CR2: variants seen among roughly 807,000 people sequenced by gnomAD.
CR2 encodes complement C3d receptor 2.
Under a neutral mutation model 123.0 loss-of-function variants are expected in CR2, and 96 were observed. That is an observed-to-expected ratio of 0.78 (90% CI 0.66 to 0.93). The LOEUF is 0.93. Among genes scored for constraint, CR2 ranks in the 40% least tolerant of loss-of-function variants. The probability of loss-of-function intolerance (pLI) is 0.00; values close to 1 mark genes in which losing one functional copy is unlikely to be tolerated. For synonymous variants in CR2, 484 were observed against 469.5 expected, an observed-to-expected ratio of 1.03 and a Z score of -0.40; for missense variants, 1,258 against 1,361.0, an observed-to-expected ratio of 0.92 and a Z score of 1.19.
At chr1:207,458,652 A>G (rs1173752814) in intron 1 of CR2, among the ~76,000 whole-genome samples, 2 of 152,166 alleles carry the variant, frequency 1.3e-5, no homozygotes, top group Non-Finnish European at 2.9e-5. Context: ...CTTGTCCTTC[A>G]GTCACAACTT....
Position 207,470,643 on chromosome 1 carries a change from A to T in CR2, c.1226-97A>T, listed in dbSNP as rs140160993. On this transcript the variant is annotated intron_variant, in intron 6 of 19. Coordinates refer to ENST00000367057, the MANE Select transcript of CR2 (RefSeq NM_001006658.3). Reference sequence around the variant, plus strand: ...TTCTGTATCATACAGCTGACGCCAGAGTGGAATTATAGCATGAATATCAAT... The same window carrying T: ...TTCTGTATCATACAGCTGACGCCAGTGTGGAATTATAGCATGAATATCAAT... 5.6e-5 allele frequency: 66 copies of T among 1,184,006 alleles called. No homozygotes were observed. The African/African-American group carries it at 9.0e-4, about 16-fold the overall frequency. 73.3% of individuals were successfully genotyped at this position (1,184,006 alleles called of 1,614,324 possible).
rs1658370427 is a variant in CR2, at chr1:207,474,256, A to T, written c.2256A>T (p.Gly752=). ...TSCQDGYQLT[G]HAYQMCQDAE... ...CTCTCTGTAGGTACCAGTTGACTGG[A>T]CATGCTTATCAGATGTGTCAAGATG... The change falls in exon 13 of 20, where the codon GGA becomes GGT. Residue 752 remains glycine (G), a synonymous_variant. Transcript: ENST00000367057. The T allele has an allele frequency of 6.2e-7, 1 of 1,612,876 alleles. No individual in the cohort carries two copies. Among genetic ancestry groups the T allele is most frequent in the Non-Finnish European group, 8.5e-7 (1 of 1,179,046 alleles).
chr1:207,471,495 T>C lies in CR2; in HGVS notation c.1566T>C (p.Cys522=). 6.2e-7 allele frequency: 1 copy of C among 1,602,024 alleles called. No individual in the cohort carries two copies. The highest frequency in any genetic ancestry group is 8.6e-7 in the Non-Finnish European group (1 of 1,169,078). ...TIPWFMEIRL[C]KEITCPPPPV... is the part of the protein sequence containing the mutation. ...CTTGGTTTATGGAGATTCGTCTTTG[T>C]AAAGGTGAGTAGCAAAAATGATATA... The change falls in exon 9 of 20, where the codon TGT becomes TGC. Residue 522 remains cysteine (C), a synonymous_variant. Coordinates refer to ENST00000367057, the MANE Select transcript of CR2 (RefSeq NM_001006658.3).
At chr1:207,462,976 A>G (rs1658003273) in intron 1 of CR2, among the ~76,000 whole-genome samples, 3 of 152,236 alleles carry the variant, frequency 2.0e-5, no homozygotes, top group Admixed American at 2.0e-4. Flanking sequence ...GATCCGTTGG[A>G]AAGTTTTGTA....
At chr1:207,465,210 G>C (rs1226542879) in intron 1 of CR2, among the ~76,000 whole-genome samples, 1 of 152,110 alleles carries the variant, frequency 6.6e-6, no homozygotes, top group Admixed American at 6.6e-5. Context: ...GATTACAGAC[G>C]TGAACCACCA....
In CR2 at chr1:207,471,004, G is replaced by A. The variant is rs565317532; in HGVS notation, c.1410G>A (p.Ala470=). ...TPPVPQCKVA[A]CEATGRQLLT... is the part of the protein sequence containing the mutation. ...CCTAGTCTCTTTTCTTAGTGGCAGC[G>A]TGTGAAGCTACAGGAAGGCAACTCT... Residue 470 remains alanine (A), a synonymous_variant, in exon 8 of 20, where the codon GCG becomes GCA. Coordinates refer to ENST00000367057, the MANE Select transcript of CR2 (RefSeq NM_001006658.3). 39 of 1,613,844 alleles carry A rather than the reference G, an allele frequency of 2.4e-5. No homozygotes were observed. The highest frequency in any genetic ancestry group is 2.3e-4 in the South Asian group (21 of 91,082).
In CR2 at chr1:207,476,418, A is replaced by T; in HGVS notation, c.2901A>T (p.Lys967Asn). ...GGAGCCAACCTGCCCCTCATTGTAA[A>T]GGTGCTTTGTCTATTTTTTATTCTT... ...GTWSQPAPHC[K>N]EVNCSSPADM... The change falls in exon 15 of 20, where the codon AAA (lysine) becomes AAT (asparagine). Residue 967 changes from lysine (K) to asparagine (N), a missense_variant and splice_region_variant. By Grantham distance (94) the Lys-to-Asn change is moderately conservative. Transcript: ENST00000367057. 6.2e-7 allele frequency: 1 copy of T among 1,612,946 alleles called. No homozygotes were observed. Among genetic ancestry groups the T allele is most frequent in the African/African-American group, 1.3e-5 (1 of 74,990 alleles).
At chr1:207,470,531 C>T (rs1658237418) in intron 6 of CR2, among the ~76,000 whole-genome samples, 1 of 152,048 alleles carries the variant, frequency 6.6e-6, no homozygotes, top group Admixed American at 6.6e-5. Context: ...CTGCAGCAGC[C>T]TCTGTGCAGA....
chr1:207,454,797 T>C lies in CR2; in HGVS notation c.58+321T>C. The C allele has an allele frequency of 3.1e-6, 1 of 327,270 alleles. No individual in the cohort carries two copies. The highest frequency in any genetic ancestry group is 2.2e-5 in the African/African-American group (1 of 46,234). 20.3% of individuals were successfully genotyped at this position (327,270 alleles called of 1,614,324 possible). A position where few individuals can be genotyped will look rare whatever the true frequency, so the allele number is the denominator to read the frequency against. Reference sequence around the variant, plus strand: ...CCCGCCCCCAGGATTCTGCAGGTGCTCATCGCTCTCTGGCCGGCGGTCAGC... The same window carrying C: ...CCCGCCCCCAGGATTCTGCAGGTGCCCATCGCTCTCTGGCCGGCGGTCAGC... On this transcript the variant is annotated intron_variant, in intron 1 of 19. Transcript: ENST00000367057. This position sits in a 1 kb window ranked among gnomAD's most constrained non-coding sequence, Gnocchi z 4.3.
chr1:207,465,229 CTAGT>C (rs983438225), intron 1 of CR2, among the ~76,000 whole-genome samples: 1 of 152,090 alleles, frequency 6.6e-6, no homozygotes, highest in Non-Finnish European at 1.5e-5. Context: ...CACACCCTGC[CTAGT>C]TAAAGAGTTT....
intron 1 of CR2, 104 bp from the exon 2 acceptor site, chr1:207,466,420 CTG>C: frequency 7.7e-7 from 1 of 1,293,142 alleles, no homozygotes; most frequent in African/African-American, 1.5e-5. Flanking sequence ...ATTTCTAAGT[CTG>C]TTTCTGAAAA....
At chr1:207,470,966 A>G in intron 7 of CR2, 31 bp from the exon 8 acceptor site, 1 of 1,613,866 alleles carries the variant, frequency 6.2e-7, no homozygotes, top group Non-Finnish European at 8.5e-7. Context: ...ATTGCCTTGA[A>G]TTAAATTCTC....
chr1:207,473,453 G>A, intron 10 of CR2, 92 bp from the exon 11 acceptor site: 1 of 1,370,324 alleles, frequency 7.3e-7, no homozygotes, highest in Non-Finnish European at 1.0e-6. Context: ...TGGCATCAGA[G>A]TTTCAGACTG....
chr1:207,473,269 G>A, intron 10 of CR2, 90 bp downstream of exon 10: 1 of 1,440,004 alleles, frequency 6.9e-7, no homozygotes, highest in Non-Finnish European at 9.6e-7. Context: ...ATGGAAAGAG[G>A]CAAGAGGGGC....
chr1:207,480,154 C>A, intron 18 of CR2, 101 bp downstream of exon 18: 1 of 852,446 alleles, frequency 1.2e-6, no homozygotes, highest in South Asian at 1.4e-5. Flanking sequence ...GAAATAAATA[C>A]TGCAATGTGA....
intron 16 of CR2, among the ~76,000 whole-genome samples, chr1:207,478,986 GTTTTTGT>G (rs966920289): frequency 6.6e-6 from 1 of 151,728 alleles, no homozygotes; most frequent in Admixed American, 6.6e-5. Flanking sequence ...TTTTGTTTTT[GTTTTTGT>G]TTTTGTTTTA....
Position 207,469,921 on chromosome 1 carries a change from G to C in CR2, c.1044G>C (p.Ala348=). The change falls in exon 6 of 20, where the codon GCG becomes GCC. Residue 348 remains alanine (A), a synonymous_variant. Coordinates refer to ENST00000367057, the MANE Select transcript of CR2 (RefSeq NM_001006658.3). ...CACGCTGTGAACTTTCTACTTCTGC[G>C]GTTCAGTGTCCACATCCCCAGATCC... The part of the protein sequence containing the change: ...PAPRCELSTS[A]VQCPHPQILR... 6.2e-7 allele frequency: 1 copy of C among 1,613,908 alleles called. No individual in the cohort carries two copies. Among genetic ancestry groups the C allele is most frequent in the Non-Finnish European group, 8.5e-7 (1 of 1,179,928 alleles).
Position 207,454,725 on chromosome 1 carries a change from C to G in CR2, c.58+249C>G, listed in dbSNP as rs931273814. The G allele has an allele frequency of 8.9e-6, 4 of 447,276 alleles. No homozygotes were observed. Among genetic ancestry groups the G allele is most frequent in the Admixed American group, 4.1e-5 (1 of 24,650 alleles). The allele number at this position is 447,276 out of a possible 1,614,324, so 27.7% of individuals were successfully genotyped here. On this transcript the variant is annotated intron_variant, in intron 1 of 19. Coordinates refer to ENST00000367057, the MANE Select transcript of CR2 (RefSeq NM_001006658.3). This position sits in a 1 kb window ranked among gnomAD's most constrained non-coding sequence, Gnocchi z 4.3. ...ACAGAGGGGCGCTGTCTGGTCGGCCCGGTGTGGCTGGCGGCGTGCGGGTGC... is the reference window on the plus strand; with the variant it reads ...ACAGAGGGGCGCTGTCTGGTCGGCCGGGTGTGGCTGGCGGCGTGCGGGTGC...
rs149048095 is a variant in CR2, at chr1:207,460,929, T to C, written c.59-5597T>C. Among the ~76,000 whole-genome samples the C allele has an allele frequency of 4.6e-3, 707 of 152,284 alleles. 3 individuals carry two copies. The highest frequency in any genetic ancestry group is 0.012 in the African/African-American group (509 of 41,568). ...CAACATATTTTCTCCTCTCTAGGCATTAACGGTTTAATAGCTAAGATAGTT... is the reference window on the plus strand; with the variant it reads ...CAACATATTTTCTCCTCTCTAGGCACTAACGGTTTAATAGCTAAGATAGTT... On this transcript the variant is annotated intron_variant, in intron 1 of 19. Coordinates refer to ENST00000367057, the MANE Select transcript of CR2 (RefSeq NM_001006658.3).
Sources: gnomAD v4.1 joint callset for allele counts (sites outside exome capture counted in the v4.1 genomes callset) on GRCh38, gnomAD v4.1.1 for gene constraint, Gnocchi (gnomAD v3.1) non-coding constraint, MANE v1.5 for transcripts, NCBI Gene and HGNC (gene_info 2026-07-23, HGNC 2026-07-21) for gene names.